PPM1H: variants seen among roughly 807,000 people sequenced by gnomAD.
PPM1H encodes the protein protein phosphatase, Mg2+/Mn2+ dependent 1H.
Under a neutral mutation model 54.9 loss-of-function variants are expected in PPM1H, and 27 were observed. The observed-to-expected ratio is 0.49, with a 90% CI of 0.36 to 0.68. The LOEUF (loss-of-function observed/expected upper bound fraction) is 0.68. Ranked by LOEUF, PPM1H falls within the 30% of genes least tolerant of loss-of-function variation. The pLI, the probability that PPM1H is intolerant of heterozygous loss-of-function variation, is 0.00. For missense variants in PPM1H, 596 were observed against 667.8 expected, an observed-to-expected ratio of 0.89 and a Z score of 1.19; for synonymous variants, 305 against 270.8, an observed-to-expected ratio of 1.13 and a Z score of -1.24.
chr12:62,697,636 G>A (rs561681451), intron 6 of PPM1H, among the ~76,000 whole-genome samples: 7 of 152,240 alleles, frequency 4.6e-5, no homozygotes, highest in Admixed American at 1.3e-4. Context: ...TCTCATTTGG[G>A]GGAAGATAGG....
chr12:62,806,466 T>C (rs1040727504), intron 2 of PPM1H, among the ~76,000 whole-genome samples: 5 of 152,214 alleles, frequency 3.3e-5, no homozygotes, highest in African/African-American at 1.2e-4. Flanking sequence ...AGACAGACAC[T>C]GACTGATACG....
At chr12:62,843,564 A>T (rs1309494183) in intron 1 of PPM1H, among the ~76,000 whole-genome samples, 1 of 152,216 alleles carries the variant, frequency 6.6e-6, no homozygotes, top group South Asian at 2.1e-4. Context: ...AATTAGTTGC[A>T]CAACAGACTA....
chr12:62,706,153 A>G (rs2076173188), intron 6 of PPM1H, among the ~76,000 whole-genome samples: 1 of 152,090 alleles, frequency 6.6e-6, no homozygotes, highest in Non-Finnish European at 1.5e-5. Context: ...GATCTCAAGT[A>G]TCAGTGCTTT....
At chr12:62,875,618 G>T (rs868232782) in intron 1 of PPM1H, among the ~76,000 whole-genome samples, 7 of 152,270 alleles carry the variant, frequency 4.6e-5, no homozygotes, top group South Asian at 4.1e-4. Flanking sequence ...TGGGGTTAAG[G>T]AAACTTCCAT....
Position 62,689,775 on chromosome 12 carries a change from C to G in PPM1H, c.1169G>C (p.Arg390Thr). 1 of 1,613,588 alleles carries G rather than the reference C, an allele frequency of 6.2e-7. No individual in the cohort carries two copies. The highest frequency in any genetic ancestry group is 8.5e-7 in the Non-Finnish European group (1 of 1,179,726). The change falls in exon 8 of 10, where the codon AGG becomes ACG. Residue 390 changes from arginine (R) to threonine (T), a missense_variant. Coordinates refer to ENST00000228705, the MANE Select transcript of PPM1H (RefSeq NM_020700.2). ...CTTCAGGTCATGGTCCCCAAGTCCC[C>G]TGGTCACTCCAATAGTTGCCATTAC... ...ARVMATIGVT[R>T]GLGDHDLKVH...
chr12:62,689,393 G>T (rs1288427964), intron 8 of PPM1H, among the ~76,000 whole-genome samples: 1 of 152,102 alleles, frequency 6.6e-6, no homozygotes, highest in Non-Finnish European at 1.5e-5. Flanking sequence ...GCCATTGAAG[G>T]TTTCTGAGCA....
rs552890065 is a variant in PPM1H, at chr12:62,760,850, G to A, written c.870-23264C>T. ...CCAAATGACCTAGACTAGCTCTGAA[G>A]GGTAAGCACTGAGTCCCAGGTTAAA... On this transcript the variant is annotated intron_variant, in intron 4 of 9. Transcript: ENST00000228705. Among the ~76,000 whole-genome samples, 38 of 152,206 alleles carry A rather than the reference G, an allele frequency of 2.5e-4. 1 individual carries two copies. Among genetic ancestry groups the A allele is most frequent in the Non-Finnish European group, 4.0e-4 (27 of 68,042 alleles).
intron 1 of PPM1H, among the ~76,000 whole-genome samples, chr12:62,922,585 A>T (rs147472103): frequency 6.6e-6 from 1 of 152,232 alleles, no homozygotes; most frequent in South Asian, 2.1e-4. Flanking sequence ...ATGAGAGCAT[A>T]AAGTCCACAG....
intron 1 of PPM1H, among the ~76,000 whole-genome samples, chr12:62,846,495 G>A (rs1442676721): frequency 3.5e-5 from 5 of 144,086 alleles, no homozygotes; most frequent in African/African-American, 5.5e-5. Context: ...GCGAGATTCC[G>A]CCTCAAAAAA....
intron 6 of PPM1H, among the ~76,000 whole-genome samples, chr12:62,711,833 G>A (rs941509311): frequency 6.6e-6 from 1 of 152,074 alleles, no homozygotes; most frequent in East Asian, 1.9e-4. Context: ...GAGCTGGTGG[G>A]GCATCTCTTT....
chr12:62,824,970 C>A (rs774641954), intron 2 of PPM1H, among the ~76,000 whole-genome samples: 75 of 151,900 alleles, frequency 4.9e-4, no homozygotes, highest in Admixed American at 1.1e-3. Flanking sequence ...AGACAACCTA[C>A]AGAATGGGAG....
chr12:62,767,422 T>A (rs1249298080), intron 4 of PPM1H, among the ~76,000 whole-genome samples: 1 of 152,142 alleles, frequency 6.6e-6, no homozygotes, highest in Admixed American at 6.5e-5. Context: ...GCCTTTAACC[T>A]CTCTGTAAGT....
At chr12:62,796,762 C>T (rs1360966953) in intron 3 of PPM1H, among the ~76,000 whole-genome samples, 6 of 152,166 alleles carry the variant, frequency 3.9e-5, no homozygotes, top group Admixed American at 6.5e-5. Context: ...TGCGTGCACC[C>T]GTGTGCGCGC....
Position 62,746,636 on chromosome 12 carries a change from G to A in PPM1H, c.870-9050C>T, listed in dbSNP as rs7968425. Among the ~76,000 whole-genome samples, 1,514 of 152,298 alleles carry A rather than the reference G, an allele frequency of 9.9e-3. 26 individuals are homozygous for A. The highest frequency in any genetic ancestry group is 0.035 in the African/African-American group (1,447 of 41,554). On this transcript the variant is annotated intron_variant, in intron 4 of 9. Transcript: ENST00000228705. ...TGCGAGGCAGCCAACAGCCAATTAC[G>A]CTTTCTATTGCCTGGGAGATATCTC...
chr12:62,669,144 G>A lies in PPM1H; in HGVS notation c.1246-1815C>T, dbSNP rs545096471. Among the ~76,000 whole-genome samples, 12 of 152,294 alleles carry A rather than the reference G, an allele frequency of 7.9e-5. No homozygotes were observed. In the South Asian group the frequency reaches 8.3e-4, roughly 11 times the overall value. ...TCACTTAAGGCTAAACTTATGTTCC[G>A]GAGAGGGCACTCAGCCTTTTAAGCC... On this transcript the variant is annotated intron_variant, in intron 8 of 9. Coordinates refer to ENST00000228705, the MANE Select transcript of PPM1H (RefSeq NM_020700.2).
chr12:62,792,461 A>T lies in PPM1H; in HGVS notation c.757-4123T>A, dbSNP rs574811146. Among the ~76,000 whole-genome samples, 28 of 152,332 alleles carry T rather than the reference A, an allele frequency of 1.8e-4. 1 individual carries two copies. Among genetic ancestry groups the T allele is most frequent in the African/African-American group, 6.7e-4 (28 of 41,570 alleles). ...ACTTAAGTACTTTTTAATCCAAGAA[A>T]CTTTGCTAACATGTGCATGCGTTTG... On this transcript the variant is annotated intron_variant, in intron 3 of 9. Transcript: ENST00000228705.
chr12:62,863,430 A>G (rs1056517390), intron 1 of PPM1H, among the ~76,000 whole-genome samples: 1 of 152,238 alleles, frequency 6.6e-6, no homozygotes, highest in Non-Finnish European at 1.5e-5. Context: ...ATACTCATTC[A>G]AAATGCAAAA....
intron 1 of PPM1H, among the ~76,000 whole-genome samples, chr12:62,834,709 TG>T (rs895898140): frequency 1.3e-5 from 2 of 152,098 alleles, no homozygotes; most frequent in African/African-American, 4.8e-5. Context: ...GCCAAGTCAC[TG>T]GGGGGGCCTG....
At chr12:62,789,871 C>T (rs776561355) in intron 3 of PPM1H, among the ~76,000 whole-genome samples, 13 of 152,158 alleles carry the variant, frequency 8.5e-5, no homozygotes, top group Non-Finnish European at 1.2e-4. Context: ...TCTGTGTTAG[C>T]GATAGAAGCA....
Sources: allele counts gnomAD v4.1 joint callset (sites outside exome capture counted in the v4.1 genomes callset), GRCh38; gene constraint gnomAD v4.1.1; transcripts MANE v1.5; gene names NCBI Gene and HGNC (gene_info 2026-07-23, HGNC 2026-07-21).